The following ZNF618 variants were observed in gnomAD, a reference collection of about 807,000 sequenced individuals.
The protein encoded by ZNF618 is zinc finger protein 618.
In ZNF618, 34 loss-of-function variants were observed where a neutral mutation model predicts 103.0. That is an observed-to-expected ratio of 0.33 (90% CI 0.25 to 0.44). The LOEUF (loss-of-function observed/expected upper bound fraction) is 0.44, where lower values mean the gene tolerates loss of function less well. Ranked by LOEUF, ZNF618 falls within the 20% of genes least tolerant of loss-of-function variation. The pLI is 1.00. For synonymous variants in ZNF618, 551 were observed against 542.2 expected, an observed-to-expected ratio of 1.02 and a Z score of -0.23; for missense variants, 1,059 against 1,295.4, an observed-to-expected ratio of 0.82 and a Z score of 2.80.
chr9:113,899,518 A>G (rs996846821), intron 1 of ZNF618, among the ~76,000 whole-genome samples: 1 of 152,182 alleles, frequency 6.6e-6, no homozygotes, highest in African/African-American at 2.4e-5. Context: ...CCTATTGTGA[A>G]TTGTGCACAC....
intron 1 of ZNF618, among the ~76,000 whole-genome samples, chr9:113,913,887 C>T (rs1011861965): frequency 2.0e-5 from 3 of 152,088 alleles, no homozygotes; most frequent in East Asian, 1.9e-4. Flanking sequence ...GTATGCTCCA[C>T]GGGGACATGG....
At chr9:114,030,211 A>G (rs559460301) in intron 11 of ZNF618, among the ~76,000 whole-genome samples, 1 of 152,270 alleles carries the variant, frequency 6.6e-6, no homozygotes, top group South Asian at 2.1e-4. Flanking sequence ...CTTCGAAGAT[A>G]TGTTTATTGT....
At chr9:113,958,893 T>C (rs1836565760) in intron 1 of ZNF618, among the ~76,000 whole-genome samples, 2 of 152,242 alleles carry the variant, frequency 1.3e-5, no homozygotes, top group South Asian at 4.1e-4. Context: ...TCTGACCATG[T>C]TACTGCCCTG....
chr9:113,988,471 G>A lies in ZNF618; in HGVS notation c.228G>A (p.Trp76Ter). 1 of 1,613,504 alleles carries A rather than the reference G, an allele frequency of 6.2e-7. No individual in the cohort carries two copies. Among genetic ancestry groups the A allele is most frequent in the Non-Finnish European group, 8.5e-7 (1 of 1,179,892 alleles). Residue 76 changes from tryptophan (W) to a stop codon, truncating the protein, a stop_gained, in exon 3 of 15, where the codon TGG becomes TGA. Transcript: ENST00000374126. LOFTEE classifies it high-confidence loss of function. ...ATGACTACATCCAGGAGGTGATCTGGCAGGGCGAGGCCAAGGAGGAGAAGA... is the reference window on the plus strand; with the variant it reads ...ATGACTACATCCAGGAGGTGATCTGACAGGGCGAGGCCAAGGAGGAGAAGA... ...LPDDYIQEVI[W>*]QGEAKEEKKA...
intron 2 of ZNF618, among the ~76,000 whole-genome samples, chr9:113,973,856 T>C (rs888049654): frequency 1.3e-5 from 2 of 152,180 alleles, no homozygotes; most frequent in Non-Finnish European, 2.9e-5. Flanking sequence ...ATTTTAGAGA[T>C]AAGGAAATCT....
chr9:113,931,940 T>G (rs986374101), intron 1 of ZNF618, among the ~76,000 whole-genome samples: 1 of 152,184 alleles, frequency 6.6e-6, no homozygotes, highest in Non-Finnish European at 1.5e-5. Flanking sequence ...GGCTGTATAG[T>G]GTAGTGATTG....
intron 1 of ZNF618, among the ~76,000 whole-genome samples, chr9:113,911,155 C>A (rs1039239942): frequency 6.6e-6 from 1 of 151,936 alleles, no homozygotes; most frequent in African/African-American, 2.4e-5. Flanking sequence ...GCTTTCTAAG[C>A]ACTGTCTTAA....
chr9:114,025,636 G>A (rs1843431276), intron 10 of ZNF618, among the ~76,000 whole-genome samples: 1 of 152,180 alleles, frequency 6.6e-6, no homozygotes, highest in African/African-American at 2.4e-5. Context: ...TGAGTCAGGA[G>A]CCTGGGACAT....
intron 6 of ZNF618, 97 bp from the exon 7 acceptor site, chr9:114,007,253 A>C: frequency 2.1e-6 from 2 of 953,902 alleles, no homozygotes; most frequent in Non-Finnish European, 3.2e-6. Context: ...AGACTGGGCT[A>C]GTTTCATCTT....
In ZNF618 at chr9:113,891,393, A is replaced by G. The variant is rs532109759; in HGVS notation, c.33+14980A>G. Among the ~76,000 whole-genome samples, 8 of 152,354 alleles carry G rather than the reference A, an allele frequency of 5.3e-5. No homozygotes were observed. In the South Asian group the frequency reaches 1.7e-3, roughly 32 times the overall value. ...ACAGATGGCCAGTAAGCATATGAAG[A>G]GATGCCCAACATCATTCATCAGTTC... is the stretch of plus-strand genomic sequence containing the variant. On this transcript the variant is annotated intron_variant, in intron 1 of 14. Transcript: ENST00000374126.
chr9:114,048,010 C>G lies in ZNF618; in HGVS notation c.1348+16C>G, dbSNP rs1419514149. 9 of 1,561,506 alleles carry G rather than the reference C, an allele frequency of 5.8e-6. No homozygotes were observed. Among genetic ancestry groups the G allele is most frequent in the Non-Finnish European group, 7.8e-6 (9 of 1,152,164 alleles). ...GCCAATAACAGTAGGTCTCCCCAAG[C>G]AGGGCTGGACCTGAGGGTCCCCTTA... is the stretch of plus-strand genomic sequence containing the variant. On this transcript the variant is annotated intron_variant, in intron 14 of 14. Transcript: ENST00000374126.
rs756275456 is a variant in ZNF618, at chr9:114,036,420, C to A, written c.1246+43C>A. 1.3e-5 allele frequency: 20 copies of A among 1,543,614 alleles called. 1 individual carries two copies. The Middle Eastern group carries it at 2.2e-3, about 167-fold the overall frequency. ...TCTCTCCCCCTCTCCTTCCTCAGTTCCTGCAAATTGAAGAGATGGTTAGGG... is the reference window on the plus strand; with the variant it reads ...TCTCTCCCCCTCTCCTTCCTCAGTTACTGCAAATTGAAGAGATGGTTAGGG... On this transcript the variant is annotated intron_variant, in intron 13 of 14. Coordinates refer to ENST00000374126, the MANE Select transcript of ZNF618 (RefSeq NM_001318042.2).
At chr9:113,881,797 C>G (rs1338246119) in intron 1 of ZNF618, among the ~76,000 whole-genome samples, 3 of 152,212 alleles carry the variant, frequency 2.0e-5, no homozygotes, top group Non-Finnish European at 4.4e-5. Context: ...TGATGAGTTC[C>G]ATCCATATAG....
intron 6 of ZNF618, among the ~76,000 whole-genome samples, chr9:114,003,722 C>T (rs1375649204): frequency 6.6e-6 from 1 of 152,164 alleles, no homozygotes; most frequent in Non-Finnish European, 1.5e-5. Flanking sequence ...GGTTCTGTTT[C>T]TTGAGCTGGG....
At chr9:113,885,330 A>T (rs1391860307) in intron 1 of ZNF618, among the ~76,000 whole-genome samples, 1 of 152,244 alleles carries the variant, frequency 6.6e-6, no homozygotes, top group Non-Finnish European at 1.5e-5. Flanking sequence ...CACAGGAATG[A>T]CATAAGATAA....
In ZNF618 at chr9:113,999,846, A is replaced by G. The variant is rs531316604; in HGVS notation, c.433+1492A>G. Among the ~76,000 whole-genome samples, 106 of 152,352 alleles carry G rather than the reference A, an allele frequency of 7.0e-4. 1 individual carries two copies. Among genetic ancestry groups the G allele is most frequent in the African/African-American group, 2.5e-3 (102 of 41,576 alleles). On this transcript the variant is annotated intron_variant, in intron 4 of 14. Coordinates refer to ENST00000374126, the MANE Select transcript of ZNF618 (RefSeq NM_001318042.2). ...CATTGCTGGGGCCTCAGTGCCCGGCACATTGCAGGCACTCGTAAATTCTTC... is the reference window on the plus strand; with the variant it reads ...CATTGCTGGGGCCTCAGTGCCCGGCGCATTGCAGGCACTCGTAAATTCTTC...
Position 114,054,017 on chromosome 9 carries a change from C to T in ZNF618, c.*3850C>T, listed in dbSNP as rs1846301597. The T allele has an allele frequency of 6.6e-6, 1 of 152,540 alleles. No homozygotes were observed. The highest frequency in any genetic ancestry group is 1.5e-5 in the Non-Finnish European group (1 of 68,070). The allele number at this position is 152,540 out of a possible 1,614,324, so 9.4% of individuals were successfully genotyped here. On this transcript the variant is annotated 3_prime_UTR_variant, in exon 15 of 15. Transcript: ENST00000374126. ...GACACAGATGAGAAGCTGTGAGTCT[C>T]CAGGATTCAAGGAAGCCACCAGGTG... is the stretch of plus-strand genomic sequence containing the variant.
intron 9 of ZNF618, among the ~76,000 whole-genome samples, chr9:114,013,976 T>C (rs528616376): frequency 6.6e-6 from 1 of 152,356 alleles, no homozygotes; most frequent in Non-Finnish European, 1.5e-5. Flanking sequence ...TGGTTTAAAC[T>C]ATCTTTCTCC....
rs1054847733 is a variant in ZNF618, at chr9:114,053,536, A to C, written c.*3369A>C. Reference sequence around the variant, plus strand: ...TACATGGACCCAAAAGGGGAGGTGAAGAAAACACACCTCCACCTGGCAAGT... The same window carrying C: ...TACATGGACCCAAAAGGGGAGGTGACGAAAACACACCTCCACCTGGCAAGT... On this transcript the variant is annotated 3_prime_UTR_variant, in exon 15 of 15. Transcript: ENST00000374126. 1.3e-5 allele frequency: 2 copies of C among 152,236 alleles called. No individual in the cohort carries two copies. The highest frequency in any genetic ancestry group is 2.9e-5 in the Non-Finnish European group (2 of 68,066). The allele number at this position is 152,236 out of a possible 1,614,324, so 9.4% of individuals were successfully genotyped here. A position where few individuals can be genotyped will look rare whatever the true frequency, so the allele number is the denominator to read the frequency against.
Sources: allele counts gnomAD v4.1 joint callset (sites outside exome capture counted in the v4.1 genomes callset), GRCh38; gene constraint gnomAD v4.1.1; transcripts MANE v1.5; gene names NCBI Gene and HGNC (gene_info 2026-07-23, HGNC 2026-07-21).